Variants in SLCO2B1 observed in about 807,000 individuals in gnomAD.
The protein encoded by SLCO2B1 is solute carrier organic anion transporter family member 2B1.
SLCO2B1 carries 41 observed loss-of-function variants against 67.3 expected under a neutral mutation model. The ratio of observed to expected loss-of-function variants is 0.61; its 90% CI spans 0.47 to 0.79. SLCO2B1 has a LOEUF of 0.79. SLCO2B1 is among the 30% of genes least tolerant of loss of function. The pLI is 0.00. For synonymous variants in SLCO2B1, 379 were observed against 381.4 expected (o/e 0.99, Z 0.07); for missense variants, 837 against 920.1 (o/e 0.91, Z 1.17).
intron 6 of SLCO2B1, among the ~76,000 whole-genome samples, chr11:75,170,618 A>G (rs1312657799): frequency 6.6e-6 from 1 of 152,094 alleles, no homozygotes; most frequent in Non-Finnish European, 1.5e-5. Flanking sequence ...GGCTGAATGG[A>G]CATGCAGACG....
At chr11:75,156,783 C>G (rs998687791) in intron 1 of SLCO2B1, among the ~76,000 whole-genome samples, 7 of 152,214 alleles carry the variant, frequency 4.6e-5, no homozygotes, top group African/African-American at 1.7e-4. Context: ...ATATGCTAAA[C>G]AAGGGGTGGA....
At chr11:75,194,898 G>C (rs1440435403) in intron 9 of SLCO2B1, among the ~76,000 whole-genome samples, 3 of 152,062 alleles carry the variant, frequency 2.0e-5, no homozygotes, top group South Asian at 2.1e-4. Context: ...TATTCACTAA[G>C]CTCTGGGTTC....
chr11:75,155,694 G>A (rs1006038829), intron 1 of SLCO2B1, among the ~76,000 whole-genome samples: 23 of 152,156 alleles, frequency 1.5e-4, no homozygotes, highest in Non-Finnish European at 7.3e-5. Flanking sequence ...CTGACCTCAG[G>A]TGATCCGCCT....
chr11:75,177,169 C>T (rs1174845328), intron 7 of SLCO2B1, among the ~76,000 whole-genome samples: 1 of 150,922 alleles, frequency 6.6e-6, no homozygotes, highest in Non-Finnish European at 1.5e-5. Context: ...GGGCCTTCCA[C>T]CCCTCTACAC....
rs777998803 is a variant in SLCO2B1 at position 75,172,420 on chromosome 11, G to T, written c.823G>T (p.Ala275Ser). Residue 275 changes from alanine (A) to serine (S), a missense_variant, in exon 7 of 14, where the codon GCC (alanine) becomes TCC (serine). Ala to Ser is a moderately conservative substitution (Grantham distance 99). Transcript: ENST00000289575. The part of the protein sequence containing the change: ...LTIKDPRWVG[A>S]WWLGFLIAAG... ...CATAAAGGACCCCCGATGGGTGGGT[G>T]CCTGGTGGCTGGGTTTCCTCATCGC... 1 of 1,614,166 alleles carries T rather than the reference G, an allele frequency of 6.2e-7. No individual in the cohort carries two copies. The highest frequency in any genetic ancestry group is 1.7e-5 in the Admixed American group (1 of 60,020).
At chr11:75,179,155 A>T (rs1420726142) in intron 7 of SLCO2B1, among the ~76,000 whole-genome samples, 1 of 150,234 alleles carries the variant, frequency 6.7e-6, no homozygotes, top group African/African-American at 2.5e-5. Flanking sequence ...TTTTCTTTTT[A>T]AAAATGTTTT....
chr11:75,167,925 A>C, intron 4 of SLCO2B1, among the ~76,000 whole-genome samples: 1 of 130,828 alleles, frequency 7.6e-6, no homozygotes, highest in East Asian at 2.1e-4. Context: ...ATGGAGTATC[A>C]CTCTGTCACC....
chr11:75,195,432 G>C (rs552226969), intron 9 of SLCO2B1, among the ~76,000 whole-genome samples: 1 of 152,194 alleles, frequency 6.6e-6, no homozygotes, highest in African/African-American at 2.4e-5. Flanking sequence ...GGCAGAGGAG[G>C]AAGAGGAAAT....
At chr11:75,164,204 C>T in intron 3 of SLCO2B1, 104 bp downstream of exon 3, 1 of 1,276,630 alleles carries the variant, frequency 7.8e-7, no homozygotes, top group South Asian at 1.5e-5. Context: ...CTTCCCCTCC[C>T]AGTGCCCTCA....
intron 7 of SLCO2B1, among the ~76,000 whole-genome samples, chr11:75,181,702 C>T (rs1190524416): frequency 6.6e-6 from 1 of 152,176 alleles, no homozygotes. Flanking sequence ...GGCTGAGCTA[C>T]ACACAGCACA....
At chr11:75,198,872 G>A (rs927575410) in intron 10 of SLCO2B1, among the ~76,000 whole-genome samples, 1 of 152,188 alleles carries the variant, frequency 6.6e-6, no homozygotes, top group African/African-American at 2.4e-5. Context: ...AATGCTCTGG[G>A]GGAATGAGAC....
intron 4 of SLCO2B1, among the ~76,000 whole-genome samples, chr11:75,167,895 CTTT>C (rs561140005): frequency 7.4e-6 from 1 of 134,434 alleles, no homozygotes; most frequent in Non-Finnish European, 1.6e-5. Flanking sequence ...TTCTTTCTTT[CTTT>C]TTTTTTTTTT....
At chr11:75,189,406 C>T (rs560831871) in intron 8 of SLCO2B1, among the ~76,000 whole-genome samples, 41 of 152,120 alleles carry the variant, frequency 2.7e-4, no homozygotes, top group Admixed American at 8.5e-4. Flanking sequence ...AGGGCTATTA[C>T]GAGAATCAAA....
intron 1 of SLCO2B1, among the ~76,000 whole-genome samples, chr11:75,157,811 A>G (rs1949765149): frequency 6.6e-6 from 1 of 152,076 alleles, no homozygotes; most frequent in Non-Finnish European, 1.5e-5. Context: ...TAAAAATTTA[A>G]TTTACTTATT....
At chr11:75,166,978 G>T (rs1949900623) in intron 4 of SLCO2B1, among the ~76,000 whole-genome samples, 1 of 152,212 alleles carries the variant, frequency 6.6e-6, no homozygotes, top group African/African-American at 2.4e-5. Context: ...AGAAGATGAA[G>T]CAGACATGAC....
At chr11:75,173,124 C>G (rs1166105160) in intron 7 of SLCO2B1, among the ~76,000 whole-genome samples, 1 of 152,132 alleles carries the variant, frequency 6.6e-6, no homozygotes, top group Non-Finnish European at 1.5e-5. Context: ...GGATGAGAAC[C>G]CGCACCTTTC....
In SLCO2B1 at chr11:75,165,957, C is replaced by A; in HGVS notation, c.448+8C>A. On this transcript the variant is annotated splice_region_variant and intron_variant, in intron 4 of 13. Transcript: ENST00000289575. ...ACGACAACACCAGCCCTGGTAAGAG[C>A]AGCAGGGGCTGGGCAGGAGTGGGAC... 1 of 1,611,510 alleles carries A rather than the reference C, an allele frequency of 6.2e-7. No individual in the cohort carries two copies. The highest frequency in any genetic ancestry group is 1.1e-5 in the South Asian group (1 of 90,962).
At chr11:75,182,465 G>A (rs1165588722) in intron 7 of SLCO2B1, among the ~76,000 whole-genome samples, 1 of 152,214 alleles carries the variant, frequency 6.6e-6, no homozygotes, top group Non-Finnish European at 1.5e-5. Flanking sequence ...CAGTGTAGCT[G>A]GGCGCAGTGG....
At chr11:75,204,267 G>A in intron 13 of SLCO2B1, 133 bp from the exon 14 acceptor site, 1 of 944,678 alleles carries the variant, frequency 1.1e-6, no homozygotes, top group Admixed American at 2.5e-5. Flanking sequence ...CCCTCCTCCA[G>A]GGAAGAGCCA....
Sources: allele counts gnomAD v4.1 joint callset (sites outside exome capture counted in the v4.1 genomes callset), GRCh38; gene constraint gnomAD v4.1.1; transcripts MANE v1.5; gene names NCBI Gene and HGNC (gene_info 2026-07-23, HGNC 2026-07-21).